The following BRMS1 variants were observed in gnomAD, a reference collection of about 807,000 sequenced individuals.
The protein encoded by BRMS1 is breast cancer metastasis-suppressor 1.
In BRMS1, 26 loss-of-function variants were observed where a neutral mutation model predicts 40.4. The observed-to-expected ratio is 0.64, with a 90% confidence interval of 0.47 to 0.89. BRMS1 has a LOEUF of 0.89. Among genes scored for constraint, BRMS1 ranks in the 40% least tolerant of loss-of-function variants. BRMS1 has a pLI of 0.00. For synonymous variants in BRMS1, 103 were observed against 116.0 expected (o/e 0.89, Z 0.72); for missense variants, 289 against 309.4 (o/e 0.93, Z 0.49).
intron 1 of BRMS1, 90 bp downstream of exon 1, chr11:66,344,878 AAATC>A (rs1225447181): frequency 6.6e-6 from 1 of 152,258 alleles, no homozygotes; most frequent in Non-Finnish European, 1.5e-5. Flanking sequence ...CAGGCCGGTT[AAATC>A]TCTGCTTCGG....
At position 66,338,750 on chromosome 11, in the gene BRMS1, T is replaced by G; in HGVS notation, c.664A>C (p.Ile222Leu). Residue 222 changes from isoleucine to leucine, a missense_variant, in exon 8 of 10, where the codon ATC becomes CTC. Transcript: ENST00000359957. ...TTGATGGCTGTCCAGTCCTCCAGGA[T>G]GTCGATCTCTTGAAGCATGTACACG... ...YIVYMLQEIDILEDWTAIKKA... is the reference protein window; with the variant it reads ...YIVYMLQEIDLLEDWTAIKKA... 6.3e-7 allele frequency: 1 copy of G among 1,593,196 alleles called. No individual in the cohort carries two copies. Among genetic ancestry groups the G allele is most frequent in the Non-Finnish European group, 8.6e-7 (1 of 1,168,844 alleles).
Position 66,341,243 on chromosome 11 carries a change from C to T in BRMS1, c.321G>A (p.Gly107=), listed in dbSNP as rs770564610. 5.0e-6 allele frequency: 8 copies of T among 1,612,958 alleles called. No homozygotes were observed. The Admixed American group carries it at 1.2e-4, about 24-fold the overall frequency. Residue 107 remains glycine (G), a synonymous_variant, in exon 4 of 10, where the codon GGG becomes GGA. Coordinates refer to ENST00000359957, the MANE Select transcript of BRMS1 (RefSeq NM_015399.4). This position sits in a 1 kb window ranked among gnomAD's most constrained non-coding sequence, Gnocchi z 4.9. ...TGCGAATCTTGAGGCTCCGCTGCAG[C>T]CCCCCAAGGGGCTCCGTGTATTCAG... is the stretch of plus-strand genomic sequence containing the variant. ...RAPEYTEPLG[G]LQRSLKIRIQ...
chr11:66,342,181 A>G lies in BRMS1; in HGVS notation c.54T>C (p.Asp18=), dbSNP rs780855643. Residue 18 remains aspartate, a synonymous_variant, in exon 2 of 10, where the codon GAT becomes GAC. Coordinates refer to ENST00000359957, the MANE Select transcript of BRMS1 (RefSeq NM_015399.4). ...KDTEEMEAEG[D]SAAEMNGEEE... The stretch of plus-strand genomic sequence containing the variant: ...CCTCCCCATTCATCTCAGCAGCAGA[A>G]TCACCCTCTGCTTCCATCTCTTCTG... 3 of 1,613,680 alleles carry G rather than the reference A, an allele frequency of 1.9e-6. No individual in the cohort carries two copies. The highest frequency in any genetic ancestry group is 3.3e-5 in the Admixed American group (2 of 59,968).
rs900350417 is a variant in BRMS1 at position 66,339,891 on chromosome 11, G to A, written c.628+230C>T. The A allele has an allele frequency of 2.7e-5, 12 of 449,882 alleles. No homozygotes were observed. In the East Asian group the frequency reaches 3.1e-4, roughly 12 times the overall value. The allele number at this position is 449,882 out of a possible 1,614,324, so 27.9% of individuals were successfully genotyped here. On this transcript the variant is annotated intron_variant, in intron 7 of 9. Coordinates refer to ENST00000359957, the MANE Select transcript of BRMS1 (RefSeq NM_015399.4). ...TGCTGGGACTGTAGATGTGAGCCAC[G>A]GAGCCCAGCCCGTTTCTGTTTTCCT...
In BRMS1 at chr11:66,337,677, C is replaced by T. The variant is rs370037659; in HGVS notation, c.*205G>A. 2.5e-4 allele frequency: 395 copies of T among 1,571,706 alleles called. 1 individual carries two copies. In the African/African-American group the frequency reaches 4.5e-3, roughly 18 times the overall value. On this transcript the variant is annotated 3_prime_UTR_variant, in exon 10 of 10. Coordinates refer to ENST00000359957, the MANE Select transcript of BRMS1 (RefSeq NM_015399.4). Reference sequence around the variant, plus strand: ...GCCTTGCCTGGTCAGGTCAGCTCCACGGCCACAGCTGTGCAGGCCTCGAGG... The same window carrying T: ...GCCTTGCCTGGTCAGGTCAGCTCCATGGCCACAGCTGTGCAGGCCTCGAGG...
At position 66,341,167 on chromosome 11, in the gene BRMS1, G is replaced by C. The variant is rs775039809; in HGVS notation, c.358+39C>G. On this transcript the variant is annotated intron_variant, in intron 4 of 9. Coordinates refer to ENST00000359957, the MANE Select transcript of BRMS1 (RefSeq NM_015399.4). This position sits in a 1 kb window ranked among gnomAD's most constrained non-coding sequence, Gnocchi z 4.9. ...AGAGGAAGGGGACAGGGTGCCACGG[G>C]TTCTGGGAGGGGAAGAGGGTACAGA... 1 of 1,611,262 alleles carries C rather than the reference G, an allele frequency of 6.2e-7. No homozygotes were observed. The highest frequency in any genetic ancestry group is 2.2e-5 in the East Asian group (1 of 44,788).
In BRMS1 at chr11:66,340,793, C is replaced by A; in HGVS notation, c.516G>T (p.Gln172His). Reference sequence around the variant, plus strand: ...GCTTACCAGAGCTGAGGTCCAGGCTCTGGCGGTCCTCCTCCAGCCTCTGGA... The same window carrying A: ...GCTTACCAGAGCTGAGGTCCAGGCTATGGCGGTCCTCCTCCAGCCTCTGGA... ...ERIQRLEEDR[Q>H]SLDLSSEWWD... Residue 172 changes from glutamine (Q) to histidine (H), a missense_variant, in exon 6 of 10, where the codon CAG (glutamine) becomes CAT (histidine). Physicochemically the swap from Gln to His is conservative, Grantham distance 24. Coordinates refer to ENST00000359957, the MANE Select transcript of BRMS1 (RefSeq NM_015399.4). The A allele has an allele frequency of 6.2e-7, 1 of 1,612,818 alleles. No homozygotes were observed.
chr11:66,337,924 G>C (rs562445977), intron 9 of BRMS1, 35 bp from the exon 10 acceptor site: 17 of 1,591,888 alleles, frequency 1.1e-5, no homozygotes, highest in Non-Finnish European at 1.5e-5. Flanking sequence ...ACTGTCACCA[G>C]TTAGGAAGCT....
chr11:66,339,073 C>T (rs1474016364), intron 7 of BRMS1, among the ~76,000 whole-genome samples: 1 of 152,190 alleles, frequency 6.6e-6, no homozygotes, highest in African/African-American at 2.4e-5. Context: ...AGCACTGGCC[C>T]TAACCTGGCC....
rs1855132191 is a variant in BRMS1 at position 66,343,519 on chromosome 11, G to C, written c.-7-1278C>G. 2.6e-5 allele frequency among the ~76,000 whole-genome samples: 4 copies of C among 152,132 alleles called. 1 individual carries two copies. In the South Asian group the frequency reaches 6.2e-4, roughly 24 times the overall value. On this transcript the variant is annotated intron_variant, in intron 1 of 9. Coordinates refer to ENST00000359957, the MANE Select transcript of BRMS1 (RefSeq NM_015399.4). ...AGTTAAGACCAGGGGCATAAGGGAG[G>C]GGTATATAACCAGGACCTGGAGCCC... is the stretch of plus-strand genomic sequence containing the variant.
In BRMS1 at chr11:66,342,228, C is replaced by T; in HGVS notation, c.7G>A (p.Val3Ile). The stretch of plus-strand genomic sequence containing the variant: ...TCTGTGTCTTTGCTTGGAGGCTGGA[C>T]AGGCATCTGGACTCTGGGAGAAGGA... MP[V>I]QPPSKDTEEM... Residue 3 changes from valine to isoleucine, a missense_variant, in exon 2 of 10, where the codon GTC (valine) becomes ATC (isoleucine). Physicochemically the swap from Val to Ile is conservative, Grantham distance 29 (BLOSUM62 3). Transcript: ENST00000359957. The T allele has an allele frequency of 1.2e-6, 2 of 1,613,082 alleles. No individual in the cohort carries two copies. Among genetic ancestry groups the T allele is most frequent in the Non-Finnish European group, 1.7e-6 (2 of 1,179,972 alleles).
intron 1 of BRMS1, among the ~76,000 whole-genome samples, chr11:66,342,748 T>C (rs372883174): frequency 6.6e-6 from 1 of 152,222 alleles, no homozygotes; most frequent in Non-Finnish European, 1.5e-5. Flanking sequence ...AATTTCTAAC[T>C]GGGGCTTTCA....
At position 66,340,788 on chromosome 11, in the gene BRMS1, A is replaced by G. The variant is rs762805402; in HGVS notation, c.521T>C (p.Leu174Pro). 1.6e-5 allele frequency: 26 copies of G among 1,612,304 alleles called. No homozygotes were observed. Among genetic ancestry groups the G allele is most frequent in the Non-Finnish European group, 2.1e-5 (25 of 1,179,848 alleles). The change falls in exon 6 of 10, where the codon CTG becomes CCG. Residue 174 changes from leucine (L) to proline (P), a missense_variant. By Grantham distance (98) the Leu-to-Pro change is moderately conservative (BLOSUM62 -3). Transcript: ENST00000359957. ...CTCGCGCTTACCAGAGCTGAGGTCC[A>G]GGCTCTGGCGGTCCTCCTCCAGCCT... is the stretch of plus-strand genomic sequence containing the variant. ...IQRLEEDRQS[L>P]DLSSEWWDDK...
intron 1 of BRMS1, among the ~76,000 whole-genome samples, chr11:66,344,085 A>G (rs750049770): frequency 3.9e-5 from 6 of 152,144 alleles, no homozygotes; most frequent in Non-Finnish European, 8.8e-5. Flanking sequence ...AGCTTTGTTT[A>G]TATCTATTTG....
rs138644780 is a variant in BRMS1 at position 66,342,148 on chromosome 11, C to G, written c.87G>C (p.Glu29Asp). The change falls in exon 2 of 10, where the codon GAG becomes GAC. Residue 29 changes from glutamate to aspartate, a missense_variant. Transcript: ENST00000359957. The part of the protein sequence containing the change: ...SAAEMNGEEE[E>D]SEEERSGSQT... Reference sequence around the variant, plus strand: ...GGCTGCCGCTCCGCTCCTCCTCACTCTCTTCCTCCTCCCCATTCATCTCAG... The same window carrying G: ...GGCTGCCGCTCCGCTCCTCCTCACTGTCTTCCTCCTCCCCATTCATCTCAG... 3.9e-5 allele frequency: 63 copies of G among 1,613,820 alleles called. No individual in the cohort carries two copies. The highest frequency in any genetic ancestry group is 5.2e-5 in the Non-Finnish European group (61 of 1,180,036).
Position 66,341,315 on chromosome 11 carries a change from C to G in BRMS1, c.249G>C (p.Leu83=), listed in dbSNP as rs769414940. The change falls in exon 4 of 10, where the codon CTG becomes CTC. Residue 83 remains leucine, a synonymous_variant. Coordinates refer to ENST00000359957, the MANE Select transcript of BRMS1 (RefSeq NM_015399.4). This position sits in a 1 kb window ranked among gnomAD's most constrained non-coding sequence, Gnocchi z 4.9. ...CCTCCAGCCGCAACCGCAGCTGACT[C>G]AGTCGTTCCCTGAACAACCTGCGTG... ...ELKEKLFRER[L]SQLRLRLEEV... is the part of the protein sequence containing the mutation. The G allele has an allele frequency of 6.2e-7, 1 of 1,613,054 alleles. No individual in the cohort carries two copies. Among genetic ancestry groups the G allele is most frequent in the East Asian group, 2.2e-5 (1 of 44,840 alleles).
chr11:66,340,351 C>A, intron 6 of BRMS1, 138 bp from the exon 7 acceptor site: 1 of 681,790 alleles, frequency 1.5e-6, no homozygotes, highest in Non-Finnish European at 2.5e-6. Flanking sequence ...GGTAGAAGCC[C>A]CTTAGGGCTG....
Position 66,341,985 on chromosome 11 carries a change from G to T in BRMS1, c.139+111C>A. ...GGTCTGTGTATGTGCTTGTGTGTAG[G>T]CGCTGTATGTGCATGTGCGTGCATG... is the stretch of plus-strand genomic sequence containing the variant. On this transcript the variant is annotated intron_variant, in intron 2 of 9. Coordinates refer to ENST00000359957, the MANE Select transcript of BRMS1 (RefSeq NM_015399.4). This position sits in a 1 kb window ranked among gnomAD's most constrained non-coding sequence, Gnocchi z 4.9. 1 of 1,230,766 alleles carries T rather than the reference G, an allele frequency of 8.1e-7. No homozygotes were observed. The highest frequency in any genetic ancestry group is 1.1e-6 in the Non-Finnish European group (1 of 884,040). The allele number at this position is 1,230,766 out of a possible 1,614,324, so 76.2% of individuals were successfully genotyped here. A position where few individuals can be genotyped will look rare whatever the true frequency, so the allele number is the denominator to read the frequency against.
At position 66,337,736 on chromosome 11, in the gene BRMS1, G is replaced by A. The variant is rs1296987401; in HGVS notation, c.*146C>T. On this transcript the variant is annotated 3_prime_UTR_variant, in exon 10 of 10. Transcript: ENST00000359957. ...GGAGGAGTCCAGGCCAGTGCCAGAT[G>A]GAGTGGGAGGGCCCAGCAGCACCAC... 6.2e-7 allele frequency: 1 copy of A among 1,612,474 alleles called. No homozygotes were observed. The highest frequency in any genetic ancestry group is 2.2e-5 in the East Asian group (1 of 44,838).
Sources: allele counts gnomAD v4.1 joint callset (sites outside exome capture counted in the v4.1 genomes callset), GRCh38; gene constraint gnomAD v4.1.1; non-coding constraint Gnocchi (gnomAD v3.1); transcripts MANE v1.5; gene names NCBI Gene and HGNC (gene_info 2026-07-23, HGNC 2026-07-21).